HDX: variants seen among roughly 807,000 people sequenced by gnomAD.
The protein encoded by HDX is chromosome X open reading frame 43.
HDX carries 19 observed loss-of-function variants against 45.2 expected under a neutral mutation model. The ratio of observed to expected loss-of-function variants is 0.42; its 90% CI spans 0.29 to 0.62. The LOEUF (loss-of-function observed/expected upper bound fraction) is 0.62. Among genes scored for constraint, HDX ranks in the 20% least tolerant of loss-of-function variants. The pLI is 0.20. For missense variants in HDX, 532 were observed against 493.9 expected, an observed-to-expected ratio of 1.08 and a Z score of -0.73; for synonymous variants, 188 against 172.8, an observed-to-expected ratio of 1.09 and a Z score of -0.69.
At chrX:84,360,558 T>C (rs1367558506) in intron 6 of HDX, among the ~76,000 whole-genome samples, 1 of 111,418 alleles carries the variant, frequency 9.0e-6, no homozygotes, top group Non-Finnish European at 1.9e-5. Flanking sequence ...CCATGCATAT[T>C]AACAGTCAGG....
At chrX:84,412,146 C>T (rs1451984613) in intron 5 of HDX, among the ~76,000 whole-genome samples, 5 of 111,362 alleles carry the variant, frequency 4.5e-5, no homozygotes, top group Non-Finnish European at 3.8e-5. Context: ...TTAATTGGGA[C>T]ATTTAGCCCA....
rs974002358 is a variant in HDX, at chrX:84,440,385, T to A, written c.1305+147A>T. On this transcript the variant is annotated intron_variant, in intron 5 of 10. Transcript: ENST00000373177. ...ACATTTGCAGTATATGTAAATATTATGATCTTGAAAAATGTCCTTTGAGAC... is the reference window on the plus strand; with the variant it reads ...ACATTTGCAGTATATGTAAATATTAAGATCTTGAAAAATGTCCTTTGAGAC... The A allele has an allele frequency of 7.3e-5, 33 of 451,496 alleles. No homozygotes were observed. The African/African-American group carries it at 8.0e-4, about 11-fold the overall frequency. The allele number at this position is 451,496 out of a possible 1,213,427, so 37.2% of individuals were successfully genotyped here.
intron 5 of HDX, among the ~76,000 whole-genome samples, chrX:84,424,342 C>T (rs1035100848): frequency 9.0e-6 from 1 of 110,498 alleles, no homozygotes; most frequent in Non-Finnish European, 1.9e-5. Context: ...AAAAATACTC[C>T]ATGTTCATGG....
At chrX:84,489,783 G>T (rs2040859226) in intron 1 of HDX, among the ~76,000 whole-genome samples, 1 of 111,565 alleles carries the variant, frequency 9.0e-6, no homozygotes, top group African/African-American at 3.3e-5. Flanking sequence ...CTAGAACAAT[G>T]CCTTGGACAT....
intron 4 of HDX, among the ~76,000 whole-genome samples, chrX:84,444,057 A>C (rs2039819481): frequency 9.0e-6 from 1 of 111,463 alleles, no homozygotes. Context: ...AAATATGACA[A>C]AATTACATCT....
chrX:84,474,997 T>G (rs1480578910), intron 3 of HDX, among the ~76,000 whole-genome samples: 1 of 111,889 alleles, frequency 8.9e-6, no homozygotes, highest in Non-Finnish European at 1.9e-5. Context: ...TTAAATGTAT[T>G]TATTAGTTTA....
intron 5 of HDX, among the ~76,000 whole-genome samples, chrX:84,397,471 G>A (rs2147945963): frequency 9.0e-6 from 1 of 111,582 alleles, no homozygotes; most frequent in Non-Finnish European, 1.9e-5. Flanking sequence ...CATGGGTCAA[G>A]AGGCTCTTCC....
chrX:84,448,093 C>A (rs1016569151), intron 4 of HDX, among the ~76,000 whole-genome samples: 2 of 111,886 alleles, frequency 1.8e-5, no homozygotes, highest in Non-Finnish European at 1.9e-5. Flanking sequence ...CATCCCAATG[C>A]CTGAGCACAC....
At chrX:84,475,690 G>A (rs1408080529) in intron 2 of HDX, among the ~76,000 whole-genome samples, 3 of 111,987 alleles carry the variant, frequency 2.7e-5, no homozygotes, top group African/African-American at 9.7e-5. Flanking sequence ...GTTAATACAT[G>A]GGAAAAAAGA....
At chrX:84,329,100 A>G (rs1474016995) in intron 9 of HDX, among the ~76,000 whole-genome samples, 1 of 112,114 alleles carries the variant, frequency 8.9e-6, no homozygotes, top group African/African-American at 3.2e-5. Context: ...CCAAGGTTTT[A>G]TCTTGCAGAT....
At position 84,442,000 on chromosome X, in the gene HDX, G is replaced by A. The variant is rs145415306; in HGVS notation, c.1252-1415C>T. Among the ~76,000 whole-genome samples the A allele has an allele frequency of 3.6e-3, 396 of 111,314 alleles. 3 individuals carry two copies. Among genetic ancestry groups the A allele is most frequent in the African/African-American group, 0.012 (382 of 30,775 alleles). On this transcript the variant is annotated intron_variant, in intron 4 of 10. Transcript: ENST00000373177. ...CTCAGCATTGCTACACAGGTAGACAGATGCTACTCTAATGGGATTTTAGGG... is the reference window on the plus strand; with the variant it reads ...CTCAGCATTGCTACACAGGTAGACAAATGCTACTCTAATGGGATTTTAGGG...
intron 5 of HDX, among the ~76,000 whole-genome samples, chrX:84,432,806 G>A (rs1342728549): frequency 9.0e-6 from 1 of 110,619 alleles, no homozygotes; most frequent in Non-Finnish European, 1.9e-5. Context: ...CTACTTGGAT[G>A]GTTTTTATTT....
intron 5 of HDX, chrX:84,403,950 G>A (rs771249333): frequency 1.8e-5 from 2 of 111,095 alleles, no homozygotes; most frequent in Non-Finnish European, 3.8e-5. Flanking sequence ...ATGAGAAGGC[G>A]GGTCAGGCAT....
chrX:84,323,838 T>A (rs2036650240), intron 10 of HDX, among the ~76,000 whole-genome samples: 1 of 112,547 alleles, frequency 8.9e-6, no homozygotes, highest in Non-Finnish European at 1.9e-5. Flanking sequence ...ACAACTATCC[T>A]CAGGGTCTGA....
chrX:84,427,901 C>T (rs1200135130), intron 5 of HDX, among the ~76,000 whole-genome samples: 1 of 110,911 alleles, frequency 9.0e-6, no homozygotes, highest in Admixed American at 9.6e-5. Flanking sequence ...AGTGTTTTAA[C>T]ATTTCTGGCA....
intron 2 of HDX, among the ~76,000 whole-genome samples, chrX:84,481,791 G>T (rs1036485743): frequency 9.0e-6 from 1 of 110,849 alleles, no homozygotes. Flanking sequence ...GCTGGGGTTT[G>T]CGCTTCTAGT....
chrX:84,384,292 A>T (rs1366623114), intron 5 of HDX, among the ~76,000 whole-genome samples: 1 of 111,222 alleles, frequency 9.0e-6, no homozygotes, highest in Non-Finnish European at 1.9e-5. Context: ...CATTTCTCTG[A>T]TGATTATTGA....
intron 2 of HDX, among the ~76,000 whole-genome samples, chrX:84,481,005 A>T (rs1013973137): frequency 2.8e-4 from 31 of 111,414 alleles, no homozygotes; most frequent in Non-Finnish European, 5.3e-4. Context: ...TGAAGTACGA[A>T]TTACATTTCA....
At chrX:84,472,116 A>C (rs1362815610) in intron 3 of HDX, among the ~76,000 whole-genome samples, 1 of 109,855 alleles carries the variant, frequency 9.1e-6, no homozygotes, top group Admixed American at 9.8e-5. Context: ...AAAAAAAAAA[A>C]CACACAACGT....
Sources: gnomAD v4.1 joint callset for allele counts (sites outside exome capture counted in the v4.1 genomes callset) on GRCh38, gnomAD v4.1.1 for gene constraint, MANE v1.5 for transcripts, NCBI Gene and HGNC (gene_info 2026-07-23, HGNC 2026-07-21) for gene names.